Variants in RORA observed in about 807,000 individuals in gnomAD.
RORA encodes the protein RAR related orphan receptor A, also known as nuclear receptor ROR-alpha.
RORA carries 7 observed loss-of-function variants against 69.5 expected under a neutral mutation model. That is an observed-to-expected ratio of 0.10 (90% CI 0.06 to 0.19). The LOEUF is 0.19. RORA is among the 10% of genes least tolerant of loss of function. The pLI is 1.00. For missense variants in RORA, 457 were observed against 663.0 expected (o/e 0.69, Z 3.41); for synonymous variants, 261 against 240.8 (o/e 1.08, Z -0.78).
At chr15:60,837,991 T>C (rs1044991403) in intron 1 of RORA, among the ~76,000 whole-genome samples, 5 of 152,094 alleles carry the variant, frequency 3.3e-5, no homozygotes, top group Non-Finnish European at 7.4e-5. Context: ...AAGGGGCTTT[T>C]AGAAATGAAC....
chr15:60,829,239 A>AT (rs2073006427), intron 1 of RORA, among the ~76,000 whole-genome samples: 1 of 152,198 alleles, frequency 6.6e-6, no homozygotes, highest in Middle Eastern at 3.4e-3. Flanking sequence ...ACTGGCATTT[A>AT]TTTATACCTT....
chr15:60,977,329 C>T (rs896932784), intron 1 of RORA, among the ~76,000 whole-genome samples: 7 of 151,800 alleles, frequency 4.6e-5, no homozygotes, highest in Non-Finnish European at 7.4e-5. Flanking sequence ...ACATGTCAGT[C>T]GTCAGTTTAA....
In RORA at chr15:60,653,990, T is replaced by C. The variant is rs1179880639; in HGVS notation, c.196+24667A>G. Among the ~76,000 whole-genome samples, 5 of 152,200 alleles carry C rather than the reference T, an allele frequency of 3.3e-5. No individual in the cohort carries two copies. In the East Asian group the frequency reaches 7.7e-4, roughly 23 times the overall value. The stretch of plus-strand genomic sequence containing the variant: ...GAGCAAGGATTCTATCAGGAGACCC[T>C]GACCTTTGCAGCCAACACTTTACAT... On this transcript the variant is annotated intron_variant, in intron 2 of 10. Transcript: ENST00000335670.
chr15:60,730,235 C>T (rs1282851964), intron 1 of RORA, among the ~76,000 whole-genome samples: 1 of 152,164 alleles, frequency 6.6e-6, no homozygotes, highest in Non-Finnish European at 1.5e-5. Context: ...GACGGCTTTC[C>T]TCCCACACGG....
chr15:60,504,034 C>T (rs1399371107), intron 6 of RORA, among the ~76,000 whole-genome samples: 4 of 151,982 alleles, frequency 2.6e-5, no homozygotes, highest in East Asian at 2.0e-4. Context: ...AACTCCGGAC[C>T]TCAAGTGTTG....
chr15:60,665,977 T>G (rs1268859800), intron 2 of RORA, among the ~76,000 whole-genome samples: 3 of 152,136 alleles, frequency 2.0e-5, no homozygotes, highest in Non-Finnish European at 4.4e-5. Flanking sequence ...ACCCAGCCTA[T>G]TCTTTCTTAT....
At chr15:61,122,708 G>C (rs1004942812) in intron 1 of RORA, among the ~76,000 whole-genome samples, 1 of 152,086 alleles carries the variant, frequency 6.6e-6, no homozygotes, top group East Asian at 1.9e-4. Context: ...ACAGGTGTCT[G>C]GAATCCCTCT....
At chr15:60,812,142 C>G (rs1268398331) in intron 1 of RORA, among the ~76,000 whole-genome samples, 1 of 152,208 alleles carries the variant, frequency 6.6e-6, no homozygotes, top group Non-Finnish European at 1.5e-5. Flanking sequence ...CTTAACCACT[C>G]TGTGCCTTAA....
chr15:60,775,295 C>T (rs1368469838), intron 1 of RORA, among the ~76,000 whole-genome samples: 1 of 151,976 alleles, frequency 6.6e-6, no homozygotes, highest in African/African-American at 2.4e-5. Flanking sequence ...GGACTGACTT[C>T]GTTAATAGAA....
chr15:60,504,738 T>C (rs1166463732), intron 6 of RORA, among the ~76,000 whole-genome samples: 1 of 152,232 alleles, frequency 6.6e-6, no homozygotes, highest in Non-Finnish European at 1.5e-5. Flanking sequence ...TTCCCCAACA[T>C]GTCCTGTTAA....
At chr15:61,206,774 C>A (rs563531702) in intron 1 of RORA, among the ~76,000 whole-genome samples, 26 of 152,278 alleles carry the variant, frequency 1.7e-4, no homozygotes, top group African/African-American at 6.3e-4. Context: ...GCCCAGTTGC[C>A]AGATCTCAGG....
rs1264379808 is a variant in RORA, at chr15:60,519,285, A to G, written c.283-4528T>C. 2.6e-5 allele frequency among the ~76,000 whole-genome samples: 4 copies of G among 152,056 alleles called. No homozygotes were observed. In the East Asian group the frequency reaches 5.8e-4, roughly 22 times the overall value. ...GCACTGACTTCATACTAGGCACTCT[A>G]TGCTTTATGTGGATTGTGTCATTCA... On this transcript the variant is annotated intron_variant, in intron 3 of 10. Transcript: ENST00000335670.
intron 2 of RORA, among the ~76,000 whole-genome samples, chr15:60,662,087 G>C (rs1398464139): frequency 1.3e-5 from 2 of 152,214 alleles, no homozygotes; most frequent in Non-Finnish European, 2.9e-5. Context: ...GTAATGTTGG[G>C]ATTTTGATGA....
intron 1 of RORA, among the ~76,000 whole-genome samples, chr15:60,890,040 A>C (rs1424008720): frequency 6.6e-6 from 1 of 152,202 alleles, no homozygotes; most frequent in African/African-American, 2.4e-5. Context: ...TCCCTACTGA[A>C]GGCAGGCCCT....
intron 1 of RORA, among the ~76,000 whole-genome samples, chr15:60,810,713 C>T (rs2072731515): frequency 1.0e-5 from 1 of 97,302 alleles, no homozygotes; most frequent in Non-Finnish European, 2.3e-5. Flanking sequence ...CCACCCTTTC[C>T]CTCCAGTTTT....
chr15:61,179,973 T>TA lies in RORA; in HGVS notation c.166+49079dup, dbSNP rs965315089. ...TCAACCCAGTGAAACCCGTTTCTAC[T>TA]AAAAAAAAAAACAAAAAAAAAATAG... On this transcript the variant is annotated intron_variant, in intron 1 of 10. Transcript: ENST00000335670. Among the ~76,000 whole-genome samples the TA allele has an allele frequency of 3.3e-3, 421 of 128,942 alleles. 2 individuals carry two copies. Among genetic ancestry groups the TA allele is most frequent in the South Asian group, 8.1e-3 (30 of 3,706 alleles). 84.6% of individuals were successfully genotyped at this position (128,942 alleles called of 152,430 possible). A position where few individuals can be genotyped will look rare whatever the true frequency, so the allele number is the denominator to read the frequency against.
intron 1 of RORA, among the ~76,000 whole-genome samples, chr15:61,068,335 T>G (rs2078293468): frequency 6.6e-6 from 1 of 152,216 alleles, no homozygotes; most frequent in African/African-American, 2.4e-5. Flanking sequence ...CTGTCTATAG[T>G]TCTCCATTCA....
chr15:61,019,533 T>C (rs113379134), intron 1 of RORA, among the ~76,000 whole-genome samples: 3 of 152,266 alleles, frequency 2.0e-5, no homozygotes, highest in African/African-American at 7.2e-5. Flanking sequence ...TCGTGCTAAA[T>C]AGTTTGGTTC....
chr15:60,889,375 C>A (rs945827485), intron 1 of RORA, among the ~76,000 whole-genome samples: 7 of 152,142 alleles, frequency 4.6e-5, no homozygotes, highest in Non-Finnish European at 8.8e-5. Context: ...GGAAATCCCC[C>A]CTTCTGGAAT....
Sources: allele counts gnomAD v4.1 joint callset (sites outside exome capture counted in the v4.1 genomes callset), GRCh38; gene constraint gnomAD v4.1.1; transcripts MANE v1.5; gene names NCBI Gene and HGNC (gene_info 2026-07-23, HGNC 2026-07-21).